The following PCDH17 variants were observed in gnomAD, a reference collection of about 807,000 sequenced individuals.
PCDH17 encodes protocadherin-17.
Under a neutral mutation model 67.7 loss-of-function variants are expected in PCDH17, and 21 were observed. That is an observed-to-expected ratio of 0.31 (90% CI 0.22 to 0.45). PCDH17 has a LOEUF of 0.45. PCDH17 is among the 20% of genes least tolerant of loss of function. The pLI, the probability that PCDH17 is intolerant of heterozygous loss-of-function variation, is 1.00. For synonymous variants in PCDH17, 701 were observed against 656.7 expected, an observed-to-expected ratio of 1.07 and a Z score of -1.03; for missense variants, 1,471 against 1,564.8, an observed-to-expected ratio of 0.94 and a Z score of 1.01.
intron 3 of PCDH17, among the ~76,000 whole-genome samples, chr13:57,720,668 G>A (rs920630759): frequency 1.3e-4 from 19 of 151,774 alleles, no homozygotes; most frequent in Admixed American, 7.2e-4. Flanking sequence ...TTTTATTAAC[G>A]AATTTTTAGT....
chr13:57,719,590 T>C (rs1450667525), intron 3 of PCDH17, among the ~76,000 whole-genome samples: 1 of 152,044 alleles, frequency 6.6e-6, no homozygotes, highest in East Asian at 1.9e-4. Flanking sequence ...GAAATCCTTT[T>C]ATGCTCTCTA....
intron 3 of PCDH17, among the ~76,000 whole-genome samples, chr13:57,703,204 G>A (rs959387944): frequency 1.3e-5 from 2 of 152,102 alleles, no homozygotes; most frequent in Non-Finnish European, 2.9e-5. Flanking sequence ...TAAGCCACAT[G>A]ACTTTGAATA....
chr13:57,650,187 A>G lies in PCDH17; in HGVS notation c.2565+15076A>G, dbSNP rs1955017410. Among the ~76,000 whole-genome samples the G allele has an allele frequency of 2.6e-5, 4 of 151,148 alleles. No homozygotes were observed. The Admixed American group carries it at 2.6e-4, about 10-fold the overall frequency. On this transcript the variant is annotated intron_variant, in intron 1 of 3. Coordinates refer to ENST00000377918, the MANE Select transcript of PCDH17 (RefSeq NM_001040429.3). Reference sequence around the variant, plus strand: ...AAAGAGTTTTTCAAGCCCAGATGAGATGTAAATATTTGAGATTTCTGGACC... The same window carrying G: ...AAAGAGTTTTTCAAGCCCAGATGAGGTGTAAATATTTGAGATTTCTGGACC...
chr13:57,645,571 A>G (rs1954955191), intron 1 of PCDH17, among the ~76,000 whole-genome samples: 2 of 151,474 alleles, frequency 1.3e-5, no homozygotes, highest in Non-Finnish European at 3.0e-5. Flanking sequence ...AATTATTGCT[A>G]TGAAAATTTG....
At position 57,632,782 on chromosome 13, in the gene PCDH17, C is replaced by G; in HGVS notation, c.236C>G (p.Ala79Gly). ...GCACCGCACCTGCTGGACGTGGACG[C>G]AGACAGCGGGCTCCTCTACACCAAG... is the stretch of plus-strand genomic sequence containing the variant. ...NSAPHLLDVDADSGLLYTKQR... is the reference protein window; with the variant it reads ...NSAPHLLDVDGDSGLLYTKQR... The change falls in exon 1 of 4, where the codon GCA (alanine) becomes GGA (glycine). Residue 79 changes from alanine to glycine, a missense_variant. This residue lies in a region of PCDH17 where 1,163 missense variants were observed against 1,230.0 expected (regional missense o/e 0.95). Transcript: ENST00000377918. The G allele has an allele frequency of 1.2e-6, 2 of 1,613,208 alleles. No individual in the cohort carries two copies. Among genetic ancestry groups the G allele is most frequent in the Non-Finnish European group, 1.7e-6 (2 of 1,179,950 alleles).
intron 1 of PCDH17, among the ~76,000 whole-genome samples, chr13:57,639,796 G>T (rs1458043386): frequency 1.3e-5 from 2 of 151,886 alleles, no homozygotes; most frequent in Non-Finnish European, 2.9e-5. Flanking sequence ...AAGGCTGTGT[G>T]TGATCATGAA....
intron 1 of PCDH17, among the ~76,000 whole-genome samples, chr13:57,650,161 AAAAG>A (rs1955017063): frequency 6.6e-6 from 1 of 151,872 alleles, no homozygotes; most frequent in Admixed American, 6.6e-5. Context: ...ACTTGTAAAA[AAAAG>A]AGTTTTTCAA....
intron 3 of PCDH17, among the ~76,000 whole-genome samples, chr13:57,719,911 T>C (rs1204371478): frequency 1.3e-5 from 2 of 152,048 alleles, no homozygotes; most frequent in Non-Finnish European, 2.9e-5. Flanking sequence ...TTCTATCTTA[T>C]AAATGATAAT....
At chr13:57,686,707 A>G (rs189314897) in intron 3 of PCDH17, among the ~76,000 whole-genome samples, 1 of 152,170 alleles carries the variant, frequency 6.6e-6, no homozygotes, top group East Asian at 1.9e-4. Flanking sequence ...AGATATGAAA[A>G]TAATATAAAG....
intron 3 of PCDH17, among the ~76,000 whole-genome samples, chr13:57,701,185 C>CA (rs1205894946): frequency 6.6e-6 from 1 of 151,960 alleles, no homozygotes; most frequent in African/African-American, 2.4e-5. Flanking sequence ...TTTAGTTTAC[C>CA]AAAAAAATCA....
rs1433069558 is a variant in PCDH17 at position 57,633,699 on chromosome 13, G to C, written c.1153G>C (p.Gly385Arg). 3.1e-6 allele frequency: 5 copies of C among 1,603,290 alleles called. No homozygotes were observed. Among genetic ancestry groups the C allele is most frequent in the Non-Finnish European group, 4.2e-6 (5 of 1,179,732 alleles). ...CACTGACCGGGACTCTGGCAAGAAC[G>C]GACAGCTGCAGTGTCGGGTCCTAGG... ...RVTDRDSGKNGQLQCRVLGGG... is the reference protein window; with the variant it reads ...RVTDRDSGKNRQLQCRVLGGG... Residue 385 changes from glycine to arginine, a missense_variant, in exon 1 of 4, where the codon GGA becomes CGA. By Grantham distance (125) the Gly-to-Arg change is moderately radical (BLOSUM62 -2). Transcript: ENST00000377918. This position sits in a 1 kb window ranked among gnomAD's most constrained non-coding sequence, Gnocchi z 6.2.
At chr13:57,705,988 C>A in intron 3 of PCDH17, among the ~76,000 whole-genome samples, 1 of 150,432 alleles carries the variant, frequency 6.6e-6, no homozygotes, top group Admixed American at 6.6e-5. Flanking sequence ...GAATTCCAGC[C>A]TGAGCAACAG....
In PCDH17 at chr13:57,696,075, A is replaced by G. The variant is rs958220510; in HGVS notation, c.2798-28537A>G. On this transcript the variant is annotated intron_variant, in intron 3 of 3. Coordinates refer to ENST00000377918, the MANE Select transcript of PCDH17 (RefSeq NM_001040429.3). ...TTCAAGTGTATTGATACATGGGAAA[A>G]CAGTGTGTGAACCCTGTAACTCTGT... 2.0e-5 allele frequency among the ~76,000 whole-genome samples: 3 copies of G among 151,390 alleles called. No individual in the cohort carries two copies. In the Admixed American group the frequency reaches 2.0e-4, roughly 10 times the overall value.
Position 57,633,408 on chromosome 13 carries a change from G to C in PCDH17, c.862G>C (p.Asp288His). 1 of 1,613,420 alleles carries C rather than the reference G, an allele frequency of 6.2e-7. No individual in the cohort carries two copies. The highest frequency in any genetic ancestry group is 8.5e-7 in the Non-Finnish European group (1 of 1,180,038). ...VLYSFSSYVP[D>H]RVRELFSIDP... ...CTACTCTTTCAGCAGCTACGTGCCT[G>C]ACCGCGTGCGGGAGCTCTTCTCCAT... is the stretch of plus-strand genomic sequence containing the variant. Residue 288 changes from aspartate (D) to histidine (H), a missense_variant, in exon 1 of 4, where the codon GAC becomes CAC. Coordinates refer to ENST00000377918, the MANE Select transcript of PCDH17 (RefSeq NM_001040429.3). This position sits in a 1 kb window ranked among gnomAD's most constrained non-coding sequence, Gnocchi z 6.2.
intron 1 of PCDH17, among the ~76,000 whole-genome samples, chr13:57,664,336 C>A (rs1044037165): frequency 2.5e-4 from 38 of 152,258 alleles, no homozygotes; most frequent in African/African-American, 8.4e-4. Context: ...AATGCTCATG[C>A]ATAAATACAT....
chr13:57,633,735 A>G lies in PCDH17; in HGVS notation c.1189A>G (p.Thr397Ala), dbSNP rs555237343. 3.4e-5 allele frequency: 54 copies of G among 1,593,222 alleles called. No homozygotes were observed. In the African/African-American group the frequency reaches 7.1e-4, roughly 21 times the overall value. The part of the protein sequence containing the change: ...LQCRVLGGGG[T>A]GGGGGLGGPG... ...GTGTCGGGTCCTAGGCGGAGGAGGG[A>G]CGGGCGGCGGCGGGGGCCTGGGCGG... The change falls in exon 1 of 4, where the codon ACG becomes GCG. Residue 397 changes from threonine to alanine, a missense_variant. Physicochemically the swap from Thr to Ala is moderately conservative, Grantham distance 58. This residue lies in a region of PCDH17 where 1,163 missense variants were observed against 1,230.0 expected (regional missense o/e 0.95). Transcript: ENST00000377918. This position sits in a 1 kb window ranked among gnomAD's most constrained non-coding sequence, Gnocchi z 6.2.
At chr13:57,638,471 A>G (rs1264508689) in intron 1 of PCDH17, among the ~76,000 whole-genome samples, 1 of 152,028 alleles carries the variant, frequency 6.6e-6, no homozygotes, top group Non-Finnish European at 1.5e-5. Flanking sequence ...TAGCACTACT[A>G]CAAATCATTT....
rs192978273 is a variant in PCDH17, at chr13:57,728,393, T to G, written c.*3099T>G. The G allele has an allele frequency of 2.0e-5, 3 of 151,952 alleles. No homozygotes were observed. Among genetic ancestry groups the G allele is most frequent in the African/African-American group, 7.2e-5 (3 of 41,474 alleles). 9.4% of individuals were successfully genotyped at this position (151,952 alleles called of 1,614,324 possible). On this transcript the variant is annotated 3_prime_UTR_variant, in exon 4 of 4. Transcript: ENST00000377918. ...CAAAAAAGCCCACACATACAAAATA[T>G]GTGATGTGATACCACTTTGTCTTTT...
chr13:57,675,702 T>TGTGTGAGACTAGGAATGGCAG (rs1955384555), intron 3 of PCDH17, among the ~76,000 whole-genome samples: 1 of 151,896 alleles, frequency 6.6e-6, no homozygotes, highest in Non-Finnish European at 1.5e-5. Flanking sequence ...TGAGTAGCGA[T>TGTGTGAGACTAGGAATGGCAG]GTGTGAGACT....
Sources: gnomAD v4.1 joint callset for allele counts (sites outside exome capture counted in the v4.1 genomes callset) on GRCh38, gnomAD v4.1.1 for gene constraint, gnomAD v4.1.1 regional missense constraint, Gnocchi (gnomAD v3.1) non-coding constraint, MANE v1.5 for transcripts, NCBI Gene and HGNC (gene_info 2026-07-23, HGNC 2026-07-21) for gene names.